The following HFM1 variants were observed in gnomAD, a reference collection of about 807,000 sequenced individuals.
HFM1 encodes the protein probable ATP-dependent DNA helicase HFM1.
Under a neutral mutation model 192.1 loss-of-function variants are expected in HFM1, and 169 were observed. That is an observed-to-expected ratio of 0.88 (90% CI 0.78 to 1.00). The LOEUF (loss-of-function observed/expected upper bound fraction) is 1.00. Among genes scored for constraint, HFM1 ranks in the 50% least tolerant of loss-of-function variants. The pLI is 0.00. For missense variants in HFM1, 1,661 were observed against 1,668.0 expected (o/e 1.00, Z 0.07); for synonymous variants, 525 against 537.8 (o/e 0.98, Z 0.33).
rs1660790643 is a variant in HFM1, at chr1:91,375,442, C to T, written c.1601G>A (p.Cys534Tyr). The change falls in exon 13 of 39, where the codon TGT becomes TAT. Residue 534 changes from cysteine (C) to tyrosine (Y), a missense_variant. By Grantham distance (194) the Cys-to-Tyr change is radical (BLOSUM62 -2). Coordinates refer to ENST00000370425, the MANE Select transcript of HFM1 (RefSeq NM_001017975.6). ...YSDQKPTLVF[C>Y]ATRKGVQQAA... ...CTGTTGCACACCCTTCCTTGTTGCA[C>T]AAAACTGAAAATAAATTCATAACGT... 1 of 1,612,808 alleles carries T rather than the reference C, an allele frequency of 6.2e-7. No homozygotes were observed. Among genetic ancestry groups the T allele is most frequent in the Non-Finnish European group, 8.5e-7 (1 of 1,179,280 alleles).
intron 13 of HFM1, among the ~76,000 whole-genome samples, chr1:91,367,008 T>TG (rs1659422282): frequency 6.6e-6 from 1 of 152,128 alleles, no homozygotes; most frequent in South Asian, 2.1e-4. Flanking sequence ...CCTCGCTCAT[T>TG]GCTAGCACAG....
intron 30 of HFM1, among the ~76,000 whole-genome samples, chr1:91,281,228 A>G (rs1667438442): frequency 6.6e-6 from 1 of 152,196 alleles, no homozygotes; most frequent in South Asian, 2.1e-4. Context: ...AGATATACAG[A>G]AGGTAAAAAT....
At chr1:91,275,320 C>G (rs1206874039) in intron 32 of HFM1, among the ~76,000 whole-genome samples, 1 of 152,132 alleles carries the variant, frequency 6.6e-6, no homozygotes, top group East Asian at 1.9e-4. Context: ...TACTAGGTCT[C>G]TTCTTACACT....
At position 91,319,874 on chromosome 1, in the gene HFM1, T is replaced by C. The variant is rs143805217; in HGVS notation, c.2583-484A>G. Reference sequence around the variant, plus strand: ...TTAAATGCTTATTAAGTGCCAGGCATAGTATTAGGTGCTGATAATTCTATT... The same window carrying C: ...TTAAATGCTTATTAAGTGCCAGGCACAGTATTAGGTGCTGATAATTCTATT... On this transcript the variant is annotated intron_variant, in intron 23 of 38. Transcript: ENST00000370425. Among the ~76,000 whole-genome samples the C allele has an allele frequency of 1.5e-3, 225 of 152,346 alleles. 2 individuals are homozygous for C. Among genetic ancestry groups the C allele is most frequent in the South Asian group, 4.6e-3 (22 of 4,830 alleles).
At chr1:91,281,172 C>A (rs1454457734) in intron 30 of HFM1, among the ~76,000 whole-genome samples, 1 of 152,126 alleles carries the variant, frequency 6.6e-6, no homozygotes, top group Non-Finnish European at 1.5e-5. Flanking sequence ...ATGGTAACTC[C>A]AGAGTGGTGG....
chr1:91,385,268 T>C (rs1557505500), intron 5 of HFM1, 34 bp from the exon 6 acceptor site: 3 of 1,266,068 alleles, frequency 2.4e-6, no homozygotes, highest in Non-Finnish European at 3.4e-6. Context: ...TATATAAATA[T>C]CAAAAAAAAA....
intron 13 of HFM1, among the ~76,000 whole-genome samples, chr1:91,368,264 T>G (rs959709583): frequency 6.6e-6 from 1 of 152,026 alleles, no homozygotes; most frequent in African/African-American, 2.4e-5. Context: ...AAGATACTCC[T>G]CAAGAAGAGC....
Position 91,372,463 on chromosome 1 carries a change from C to T in HFM1, c.1685+2895G>A, listed in dbSNP as rs1173656724. 2.0e-5 allele frequency among the ~76,000 whole-genome samples: 3 copies of T among 152,300 alleles called. No individual in the cohort carries two copies. In the East Asian group the frequency reaches 5.8e-4, roughly 29 times the overall value. On this transcript the variant is annotated intron_variant, in intron 13 of 38. Transcript: ENST00000370425. ...GGACATGGATGAACCTGGAAACTAT[C>T]ATTCGCAGCAAACTATCGCAAGGAC...
Position 91,277,023 on chromosome 1 carries a change from T to C in HFM1, c.3431A>G (p.Asn1144Ser), listed in dbSNP as rs754204397. The C allele has an allele frequency of 1.6e-5, 25 of 1,599,842 alleles. No homozygotes were observed. Among genetic ancestry groups the C allele is most frequent in the African/African-American group, 8.0e-5 (6 of 74,624 alleles). Residue 1144 changes from asparagine to serine, a missense_variant, in exon 31 of 39, where the codon AAT becomes AGT. By Grantham distance (46) the Asn-to-Ser change is conservative. Coordinates refer to ENST00000370425, the MANE Select transcript of HFM1 (RefSeq NM_001017975.6). Reference protein sequence around the residue: ...ASKKPGNRECNHLCKSKHTCG... With the variant: ...ASKKPGNRECSHLCKSKHTCG... ...TGTATGTTTACTTTTACAAAGATGA[T>C]TGCATTCTCGGTTCCCAGGTTTTTT...
intron 20 of HFM1, among the ~76,000 whole-genome samples, chr1:91,333,364 T>C (rs113368056): frequency 1.3e-5 from 2 of 152,130 alleles, no homozygotes; most frequent in Admixed American, 6.5e-5. Flanking sequence ...AAGACCAACA[T>C]TGCATGTTCT....
intron 20 of HFM1, chr1:91,329,238 G>A: frequency 3.1e-6 from 5 of 1,609,832 alleles, no homozygotes; most frequent in Non-Finnish European, 4.2e-6. Flanking sequence ...GGAACCTGAG[G>A]TGCTGGGCCC....
chr1:91,266,902 T>G (rs917610214), intron 35 of HFM1, among the ~76,000 whole-genome samples: 8 of 152,330 alleles, frequency 5.3e-5, no homozygotes, highest in Middle Eastern at 3.4e-3. Context: ...AGAAGCAGTA[T>G]TAGTTCTCTA....
intron 13 of HFM1, among the ~76,000 whole-genome samples, chr1:91,366,689 C>A (rs1280045530): frequency 6.6e-6 from 1 of 152,202 alleles, no homozygotes; most frequent in Non-Finnish European, 1.5e-5. Flanking sequence ...CACCTCCCAG[C>A]GTGAGCAATG....
At chr1:91,402,959 G>A (rs761775423) in intron 1 of HFM1, among the ~76,000 whole-genome samples, 2 of 151,970 alleles carry the variant, frequency 1.3e-5, no homozygotes, top group Non-Finnish European at 2.9e-5. Flanking sequence ...ATTTTCAAAA[G>A]AATTTTTGAT....
chr1:91,286,994 T>A (rs1388211481), intron 30 of HFM1, among the ~76,000 whole-genome samples: 1 of 152,040 alleles, frequency 6.6e-6, no homozygotes, highest in Non-Finnish European at 1.5e-5. Context: ...ATCCCGCACC[T>A]GGCTCAGAGG....
At chr1:91,403,262 T>G (rs1233710526) in intron 1 of HFM1, among the ~76,000 whole-genome samples, 1 of 152,148 alleles carries the variant, frequency 6.6e-6, no homozygotes, top group Non-Finnish European at 1.5e-5. Flanking sequence ...AAGAATGCAT[T>G]GTGGAATAAA....
At chr1:91,350,264 C>T (rs1436680154) in intron 18 of HFM1, among the ~76,000 whole-genome samples, 2 of 151,974 alleles carry the variant, frequency 1.3e-5, no homozygotes, top group African/African-American at 4.8e-5. Flanking sequence ...AGTGAAAAAA[C>T]CCTCTGGAAG....
At chr1:91,274,512 T>C (rs1022975034) in intron 33 of HFM1, among the ~76,000 whole-genome samples, 7 of 152,032 alleles carry the variant, frequency 4.6e-5, no homozygotes, top group Non-Finnish European at 8.8e-5. Flanking sequence ...AGGGAAGAGA[T>C]GATCTAATGA....
intron 30 of HFM1, among the ~76,000 whole-genome samples, chr1:91,298,547 G>A (rs1648089326): frequency 6.6e-6 from 1 of 152,192 alleles, no homozygotes; most frequent in South Asian, 2.1e-4. Flanking sequence ...GAAAGGTTGG[G>A]TTACCCACAA....
Sources: allele counts gnomAD v4.1 joint callset (sites outside exome capture counted in the v4.1 genomes callset), GRCh38; gene constraint gnomAD v4.1.1; transcripts MANE v1.5; gene names NCBI Gene and HGNC (gene_info 2026-07-23, HGNC 2026-07-21).